Variants in RAB2A observed in about 807,000 individuals in gnomAD.
The protein encoded by RAB2A is ras-related protein Rab-2A.
In RAB2A, 7 loss-of-function variants were observed where a neutral mutation model predicts 32.5. The ratio of observed to expected loss-of-function variants is 0.22; its 90% CI spans 0.12 to 0.40. The LOEUF (loss-of-function observed/expected upper bound fraction) is 0.40. RAB2A is among the 10% of genes least tolerant of loss of function. RAB2A has a pLI of 1.00. For synonymous variants in RAB2A, 79 were observed against 85.2 expected (o/e 0.93, Z 0.40); for missense variants, 108 against 260.7 (o/e 0.41, Z 4.03).
intron 3 of RAB2A, among the ~76,000 whole-genome samples, chr8:60,577,740 C>T (rs2130844401): frequency 6.6e-6 from 1 of 151,934 alleles, no homozygotes; most frequent in East Asian, 1.9e-4. Context: ...TTTCTCCTGC[C>T]TCAACCTCCT....
At chr8:60,519,684 TG>T (rs1346160974) in intron 1 of RAB2A, among the ~76,000 whole-genome samples, 2 of 152,228 alleles carry the variant, frequency 1.3e-5, no homozygotes, top group African/African-American at 2.4e-5. Flanking sequence ...ATATACTTCT[TG>T]AAGTCAGAAA....
rs574012053 is a variant in RAB2A, at chr8:60,570,722, T to A, written c.119-1324T>A. 1.7e-4 allele frequency among the ~76,000 whole-genome samples: 26 copies of A among 152,272 alleles called. No individual in the cohort carries two copies. The South Asian group carries it at 5.2e-3, about 30-fold the overall frequency. Reference sequence around the variant, plus strand: ...TTTCTGAGCCTAAGAAACATAAACATCATCTTAGTTTCTTGGTATTCATTA... The same window carrying A: ...TTTCTGAGCCTAAGAAACATAAACAACATCTTAGTTTCTTGGTATTCATTA... On this transcript the variant is annotated intron_variant, in intron 2 of 7. Transcript: ENST00000262646.
chr8:60,612,138 C>T (rs1225551111), intron 6 of RAB2A, among the ~76,000 whole-genome samples: 1 of 152,128 alleles, frequency 6.6e-6, no homozygotes, highest in Non-Finnish European at 1.5e-5. Flanking sequence ...TTTCCCCAAC[C>T]TCCCTACAGG....
chr8:60,611,064 C>G (rs187051600), intron 6 of RAB2A, among the ~76,000 whole-genome samples: 1 of 152,332 alleles, frequency 6.6e-6, no homozygotes, highest in East Asian at 1.9e-4. Context: ...TACTCTGTCA[C>G]TTAAAGTCCT....
chr8:60,520,085 C>T (rs962817127), intron 1 of RAB2A, among the ~76,000 whole-genome samples: 10 of 152,110 alleles, frequency 6.6e-5, no homozygotes, highest in African/African-American at 2.4e-4. Context: ...TCCCTGTTTC[C>T]GTAACCTATA....
chr8:60,556,573 T>C (rs1251296842), intron 1 of RAB2A, among the ~76,000 whole-genome samples: 9 of 147,182 alleles, frequency 6.1e-5, no homozygotes, highest in African/African-American at 2.0e-4. Context: ...GCTAAGGTGG[T>C]AGGATCTCTT....
chr8:60,526,017 GTACATATATATATA>G (rs1441453724), intron 1 of RAB2A, among the ~76,000 whole-genome samples: 10 of 74,220 alleles, frequency 1.3e-4, no homozygotes, highest in Non-Finnish European at 2.3e-4. Context: ...ATGTGTGTGT[GTACATATATATATA>G]TATATATATA....
rs1807978751 is a variant in RAB2A at position 60,558,889 on chromosome 8, C to T, written c.84C>T (p.Asp28=). The T allele has an allele frequency of 6.2e-7, 1 of 1,613,132 alleles. No homozygotes were observed. Among genetic ancestry groups the T allele is most frequent in the East Asian group, 2.2e-5 (1 of 44,816 alleles). ...CATGCTTATTGCTACAGTTTACAGA[C>T]AAGAGGTTTCAGCCAGTGCATGACC... ...GKSCLLLQFT[D]KRFQPVHDLT... is the part of the protein sequence containing the mutation. The change falls in exon 2 of 8, where the codon GAC becomes GAT. Residue 28 remains aspartate (D), a synonymous_variant. Transcript: ENST00000262646.
chr8:60,524,070 G>C (rs763108595), intron 1 of RAB2A, among the ~76,000 whole-genome samples: 2 of 152,034 alleles, frequency 1.3e-5, no homozygotes, highest in Admixed American at 6.6e-5. Flanking sequence ...CCGTGCCTGA[G>C]ACTTTATAGT....
At chr8:60,566,638 C>A (rs1026007767) in intron 2 of RAB2A, among the ~76,000 whole-genome samples, 2 of 151,990 alleles carry the variant, frequency 1.3e-5, no homozygotes, top group Non-Finnish European at 2.9e-5. Flanking sequence ...TATGGGGGTA[C>A]ATGTGCATGT....
At chr8:60,551,044 A>G (rs1296759123) in intron 1 of RAB2A, among the ~76,000 whole-genome samples, 2 of 151,934 alleles carry the variant, frequency 1.3e-5, no homozygotes, top group Non-Finnish European at 2.9e-5. Flanking sequence ...CCTCCTTTAA[A>G]CCTTCATTTA....
chr8:60,526,852 C>G (rs1807399370), intron 1 of RAB2A, among the ~76,000 whole-genome samples: 1 of 151,844 alleles, frequency 6.6e-6, no homozygotes, highest in Non-Finnish European at 1.5e-5. Context: ...GCCTGTAATC[C>G]CAGCTACTTG....
At chr8:60,559,251 T>C in intron 2 of RAB2A, 1 of 241,126 alleles carries the variant, frequency 4.1e-6, no homozygotes, top group Non-Finnish European at 8.2e-6. Context: ...TTAAATCAAG[T>C]CTCTGCTACT....
At chr8:60,561,480 G>A (rs11988531) in intron 2 of RAB2A, among the ~76,000 whole-genome samples, 1 of 152,156 alleles carries the variant, frequency 6.6e-6, no homozygotes, top group Admixed American at 6.5e-5. Flanking sequence ...GGGAACCCGG[G>A]AAATCCTGTT....
chr8:60,557,587 T>G (rs1807958291), intron 1 of RAB2A, among the ~76,000 whole-genome samples: 1 of 152,178 alleles, frequency 6.6e-6, no homozygotes, highest in Non-Finnish European at 1.5e-5. Flanking sequence ...CATTTGTTTG[T>G]TTTTTGAGAG....
intron 1 of RAB2A, 161 bp from the exon 2 acceptor site, chr8:60,558,690 CA>C (rs1474493829): frequency 3.6e-5 from 24 of 668,238 alleles, no homozygotes; most frequent in Admixed American, 9.2e-5. Flanking sequence ...CCACCTAAAT[CA>C]TCAGTCCTCT....
intron 3 of RAB2A, among the ~76,000 whole-genome samples, chr8:60,578,560 T>A (rs1256645881): frequency 7.6e-6 from 1 of 131,596 alleles, no homozygotes; most frequent in Non-Finnish European, 1.5e-5. Context: ...AATGGACTTG[T>A]ATGAGCAAGA....
chr8:60,517,868 A>G (rs1563455731), intron 1 of RAB2A, among the ~76,000 whole-genome samples: 1 of 152,002 alleles, frequency 6.6e-6, no homozygotes. Flanking sequence ...GTCACATCTC[A>G]TTACTTGACG....
chr8:60,541,225 C>T (rs1377838111), intron 1 of RAB2A, among the ~76,000 whole-genome samples: 1 of 152,082 alleles, frequency 6.6e-6, no homozygotes, highest in Non-Finnish European at 1.5e-5. Flanking sequence ...CTAATCAGTA[C>T]TCAAAACTGT....
Sources: allele counts gnomAD v4.1 joint callset (sites outside exome capture counted in the v4.1 genomes callset), GRCh38; gene constraint gnomAD v4.1.1; transcripts MANE v1.5; gene names NCBI Gene and HGNC (gene_info 2026-07-23, HGNC 2026-07-21).